SMG6: variants seen among roughly 807,000 people sequenced by gnomAD.
SMG6 encodes the protein telomerase-binding protein EST1A.
In SMG6, 66 loss-of-function variants were observed where a neutral mutation model predicts 142.2. The observed-to-expected ratio is 0.46, with a 90% confidence interval of 0.38 to 0.57. The LOEUF (loss-of-function observed/expected upper bound fraction) is 0.57. Among genes scored for constraint, SMG6 ranks in the 20% least tolerant of loss-of-function variants. SMG6 has a pLI of 0.00. For synonymous variants in SMG6, 779 were observed against 702.4 expected (o/e 1.11, Z -1.72); for missense variants, 1,793 against 1,832.0 (o/e 0.98, Z 0.39).
chr17:2,253,547 A>G (rs2074096965), intron 8 of SMG6, among the ~76,000 whole-genome samples: 2 of 152,182 alleles, frequency 1.3e-5, no homozygotes, highest in African/African-American at 4.8e-5. Context: ...CGTGTACTGG[A>G]AACAGTCACG....
At chr17:2,252,055 G>A (rs573166853) in intron 8 of SMG6, among the ~76,000 whole-genome samples, 25 of 151,322 alleles carry the variant, frequency 1.7e-4, no homozygotes, top group African/African-American at 5.6e-4. Context: ...AGCCAAGATC[G>A]CACCACTGCA....
intron 18 of SMG6, among the ~76,000 whole-genome samples, chr17:2,064,802 A>G (rs1474337045): frequency 6.6e-6 from 1 of 152,114 alleles, no homozygotes. Flanking sequence ...AAGAAAGGAA[A>G]CGGATGCATG....
At chr17:2,256,762 G>A (rs1597723585) in intron 8 of SMG6, among the ~76,000 whole-genome samples, 1 of 144,306 alleles carries the variant, frequency 6.9e-6, no homozygotes. Context: ...GAGACACAGT[G>A]AGACTTAATT....
Position 2,085,406 on chromosome 17 carries a change from T to C in SMG6, c.3534+319A>G, listed in dbSNP as rs1407543435. On this transcript the variant is annotated intron_variant, in intron 14 of 18. Transcript: ENST00000263073. This position sits in a 1 kb window ranked among gnomAD's most constrained non-coding sequence, Gnocchi z 4.1. Reference sequence around the variant, plus strand: ...CATTGGGCTCCACACATCTATAAACTTGATCCTGACCACCCCCCTCTCCCT... The same window carrying C: ...CATTGGGCTCCACACATCTATAAACCTGATCCTGACCACCCCCCTCTCCCT... Among the ~76,000 whole-genome samples, 1 of 152,140 alleles carries C rather than the reference T, an allele frequency of 6.6e-6. No homozygotes were observed. The highest frequency in any genetic ancestry group is 1.5e-5 in the Non-Finnish European group (1 of 68,024).
intron 13 of SMG6, among the ~76,000 whole-genome samples, chr17:2,093,761 G>A (rs764101954): frequency 3.9e-5 from 6 of 152,112 alleles, no homozygotes; most frequent in African/African-American, 7.2e-5. Context: ...TCAGTCTCTT[G>A]AGCTCAAGCG....
chr17:2,264,901 CAA>C (rs112246827), intron 8 of SMG6, among the ~76,000 whole-genome samples: 11 of 117,626 alleles, frequency 9.4e-5, no homozygotes, highest in Non-Finnish European at 1.3e-4. Context: ...AACCCCATCT[CAA>C]AAAAAAAAAA....
chr17:2,188,565 C>T (rs1355871608), intron 10 of SMG6, 50 bp from the exon 11 acceptor site: 3 of 1,491,292 alleles, frequency 2.0e-6, no homozygotes, highest in Non-Finnish European at 2.8e-6. Context: ...ACAAGATGCA[C>T]ATCACTGGCC....
At position 2,172,852 on chromosome 17, in the gene SMG6, C is replaced by T. The variant is rs756156604; in HGVS notation, c.3163G>A (p.Val1055Met). 2 of 1,614,064 alleles carry T rather than the reference C, an allele frequency of 1.2e-6. No individual in the cohort carries two copies. Among genetic ancestry groups the T allele is most frequent in the Admixed American group, 1.7e-5 (1 of 60,014 alleles). ...TCAGCCAGCGTCGACCATACATCCA[C>T]AGCAACACTGTGAGAAATAAGGTAA... Reference protein sequence around the residue: ...TSLDLPSHVAVDVWSTLADFC... With the variant: ...TSLDLPSHVAMDVWSTLADFC... Residue 1055 changes from valine (V) to methionine (M), a missense_variant, in exon 13 of 19, where the codon GTG (valine) becomes ATG (methionine). By Grantham distance (21) the Val-to-Met change is conservative (BLOSUM62 1). Around this residue, in one of 3 missense-constraint regions of SMG6, gnomAD observed 1,597 missense variants for 1,584.6 expected, o/e 1.01. Coordinates refer to ENST00000263073, the MANE Select transcript of SMG6 (RefSeq NM_017575.5).
At chr17:2,245,857 T>C (rs1410432824) in intron 8 of SMG6, among the ~76,000 whole-genome samples, 3 of 152,082 alleles carry the variant, frequency 2.0e-5, no homozygotes, top group Non-Finnish European at 1.5e-5. Context: ...ATTTTTAATT[T>C]TTTGTAGAGA....
chr17:2,278,443 G>C (rs1346935827), intron 8 of SMG6, among the ~76,000 whole-genome samples: 1 of 152,098 alleles, frequency 6.6e-6, no homozygotes, highest in African/African-American at 2.4e-5. Context: ...GACCTCAGGT[G>C]ATTGGCCCGC....
chr17:2,165,501 C>T (rs1182532243), intron 13 of SMG6, among the ~76,000 whole-genome samples: 1 of 152,234 alleles, frequency 6.6e-6, no homozygotes, highest in African/African-American at 2.4e-5. Context: ...AATATTTGCA[C>T]TTTATCCTTA....
At chr17:2,285,951 G>A (rs2151383987) in intron 6 of SMG6, among the ~76,000 whole-genome samples, 1 of 152,084 alleles carries the variant, frequency 6.6e-6, no homozygotes, top group Non-Finnish European at 1.5e-5. Flanking sequence ...TGGGATTACA[G>A]GGGTCAGACA....
At chr17:2,075,695 C>T (rs890556949) in intron 15 of SMG6, among the ~76,000 whole-genome samples, 3 of 152,244 alleles carry the variant, frequency 2.0e-5, no homozygotes, top group Non-Finnish European at 4.4e-5. Context: ...CTCTGAACAA[C>T]TCCAAATGGC....
chr17:2,296,846 T>G (rs2075152523), intron 4 of SMG6, among the ~76,000 whole-genome samples: 1 of 151,404 alleles, frequency 6.6e-6, no homozygotes, highest in Admixed American at 6.6e-5. Flanking sequence ...CATAGAAAAA[T>G]TAGCCAGGCT....
At chr17:2,119,471 G>A (rs1020787870) in intron 13 of SMG6, among the ~76,000 whole-genome samples, 1 of 152,060 alleles carries the variant, frequency 6.6e-6, no homozygotes, top group African/African-American at 2.4e-5. Flanking sequence ...TGGGATTATA[G>A]GCATTAGTCA....
At chr17:2,096,975 T>C (rs2068873044) in intron 13 of SMG6, among the ~76,000 whole-genome samples, 1 of 152,178 alleles carries the variant, frequency 6.6e-6, no homozygotes, top group South Asian at 2.1e-4. Context: ...GTGAATTCTT[T>C]TGTCCTTTGG....
chr17:2,292,148 G>C (rs1330479844), intron 6 of SMG6, among the ~76,000 whole-genome samples: 1 of 152,224 alleles, frequency 6.6e-6, no homozygotes, highest in African/African-American at 2.4e-5. Context: ...AGGAAGCAAA[G>C]ATCTGACTAC....
chr17:2,300,219 C>T lies in SMG6; in HGVS notation c.534G>A (p.Glu178=), dbSNP rs1405484519. 9 of 1,614,158 alleles carry T rather than the reference C, an allele frequency of 5.6e-6. No homozygotes were observed. In the South Asian group the frequency reaches 7.7e-5, roughly 14 times the overall value. ...CAACATTTCCCCTACACTCATCTTCCTCTACTCTCAGTTGTTCTACCTGGT... is the reference window on the plus strand; with the variant it reads ...CAACATTTCCCCTACACTCATCTTCTTCTACTCTCAGTTGTTCTACCTGGT... ...VLNQVEQLRV[E]EDECRGNVAK... The change falls in exon 2 of 19, where the codon GAG becomes GAA. Residue 178 remains glutamate, a synonymous_variant. Transcript: ENST00000263073.
chr17:2,132,384 C>T (rs1423226899), intron 13 of SMG6, among the ~76,000 whole-genome samples: 1 of 152,180 alleles, frequency 6.6e-6, no homozygotes, highest in Non-Finnish European at 1.5e-5. Flanking sequence ...GCAGATGCGT[C>T]ACCCTGGCAG....
Sources: allele counts gnomAD v4.1 joint callset (sites outside exome capture counted in the v4.1 genomes callset), GRCh38; gene constraint gnomAD v4.1.1; regional missense constraint gnomAD v4.1.1; non-coding constraint Gnocchi (gnomAD v3.1); transcripts MANE v1.5; gene names NCBI Gene and HGNC (gene_info 2026-07-23, HGNC 2026-07-21).